The following CSMD1 variants were observed in gnomAD, a reference collection of about 807,000 sequenced individuals.
CSMD1 encodes CUB and sushi domain-containing protein 1.
CSMD1 carries 213 observed loss-of-function variants against 417.5 expected under a neutral mutation model. The observed-to-expected ratio is 0.51, with a 90% CI of 0.46 to 0.57. The LOEUF is 0.57. Ranked by LOEUF, CSMD1 falls within the 20% of genes least tolerant of loss-of-function variation. CSMD1 has a pLI of 0.00. For synonymous variants in CSMD1, 2,862 were observed against 1,736.8 expected, an observed-to-expected ratio of 1.65 and a Z score of -16.11; for missense variants, 6,923 against 4,529.7, an observed-to-expected ratio of 1.53 and a Z score of -15.17.
intron 10 of CSMD1, among the ~76,000 whole-genome samples, chr8:3,522,991 A>C (rs952428743): frequency 7.0e-6 from 1 of 143,470 alleles, no homozygotes; most frequent in African/African-American, 2.7e-5. Context: ...TACATACAAA[A>C]TGGAGATACA....
intron 7 of CSMD1, among the ~76,000 whole-genome samples, chr8:3,703,309 C>G (rs986665143): frequency 6.6e-6 from 1 of 152,160 alleles, no homozygotes; most frequent in Admixed American, 6.5e-5. Flanking sequence ...GAAAGCAAGG[C>G]TGTGTAAAGA....
Position 4,902,860 on chromosome 8 carries a change from GT to G in CSMD1, c.85+91471del, listed in dbSNP as rs1481872899. On this transcript the variant is annotated intron_variant, in intron 1 of 69. Coordinates refer to ENST00000635120, the MANE Select transcript of CSMD1 (RefSeq NM_033225.6). The stretch of plus-strand genomic sequence containing the variant: ...ACATATTTTTATTTTTATCATTTAT[GT>G]TTTTTCTATACATACATATGTACTG... 2.0e-5 allele frequency among the ~76,000 whole-genome samples: 3 copies of G among 151,588 alleles called. No individual in the cohort carries two copies. In the East Asian group the frequency reaches 5.8e-4, roughly 29 times the overall value.
intron 10 of CSMD1, among the ~76,000 whole-genome samples, chr8:3,550,308 C>G (rs1415006111): frequency 6.6e-6 from 1 of 152,134 alleles, no homozygotes; most frequent in African/African-American, 2.4e-5. Context: ...TAATTCCCAC[C>G]TTTTTGGCAT....
At chr8:3,277,664 G>T (rs56073436) in intron 26 of CSMD1, among the ~76,000 whole-genome samples, 4 of 152,102 alleles carry the variant, frequency 2.6e-5, no homozygotes, top group South Asian at 4.2e-4. Context: ...CAAGGACTGT[G>T]GTTGAGTTTC....
chr8:3,869,388 T>C (rs923241019), intron 5 of CSMD1, among the ~76,000 whole-genome samples: 1 of 152,338 alleles, frequency 6.6e-6, no homozygotes, highest in East Asian at 1.9e-4. Context: ...CTGATAGGTC[T>C]ATGAAATTGA....
At chr8:3,102,494 CTG>C (rs1815828076) in intron 46 of CSMD1, among the ~76,000 whole-genome samples, 1 of 152,148 alleles carries the variant, frequency 6.6e-6, no homozygotes, top group Non-Finnish European at 1.5e-5. Context: ...CTCCCTGTAA[CTG>C]TCTGTGACAA....
In CSMD1 at chr8:3,168,653, A is replaced by AC. The variant is rs1554448529; in HGVS notation, c.5726-6377_5726-6376insG. On this transcript the variant is annotated intron_variant, in intron 37 of 69. Transcript: ENST00000635120. Reference sequence around the variant, plus strand: ...TCATCACACACACACACACACACACAAATATATATATATATGGAAAACGCC... The same window carrying AC: ...TCATCACACACACACACACACACACACAATATATATATATATGGAAAACGCC... Among the ~76,000 whole-genome samples the AC allele has an allele frequency of 3.0e-4, 45 of 151,870 alleles. 1 individual carries two copies. Among genetic ancestry groups the AC allele is most frequent in the South Asian group, 2.9e-3 (14 of 4,798 alleles).
rs138743691 is a variant in CSMD1, at chr8:4,656,724, G to A, written c.86-19166C>T. ...GAGCAACAATGGGACACTCACTCCA[G>A]AACAGTGTTTGGGGACACTAAATGC... On this transcript the variant is annotated intron_variant, in intron 1 of 69. Transcript: ENST00000635120. Among the ~76,000 whole-genome samples the A allele has an allele frequency of 7.4e-4, 113 of 152,142 alleles. 1 individual carries two copies. In the East Asian group the frequency reaches 0.02, roughly 27 times the overall value.
chr8:4,971,436 T>C (rs1810231592), intron 1 of CSMD1, among the ~76,000 whole-genome samples: 1 of 152,076 alleles, frequency 6.6e-6, no homozygotes, highest in Non-Finnish European at 1.5e-5. Context: ...CAAGTTTCCA[T>C]AATTCTAACC....
At chr8:3,312,110 A>G (rs1805396093) in intron 23 of CSMD1, among the ~76,000 whole-genome samples, 1 of 152,192 alleles carries the variant, frequency 6.6e-6, no homozygotes, top group South Asian at 2.1e-4. Flanking sequence ...AAAAAAAACA[A>G]GCAAAGAAAA....
intron 1 of CSMD1, among the ~76,000 whole-genome samples, chr8:4,942,834 A>G (rs889162921): frequency 5.9e-5 from 9 of 152,244 alleles, no homozygotes; most frequent in Non-Finnish European, 1.2e-4. Context: ...GGTGTTAACT[A>G]ATTCACAGAT....
chr8:3,001,147 T>G (rs941776408), intron 52 of CSMD1, among the ~76,000 whole-genome samples: 1 of 152,010 alleles, frequency 6.6e-6, no homozygotes, highest in Non-Finnish European at 1.5e-5. Flanking sequence ...CTGCCATGCC[T>G]GAGTAATTTT....
intron 11 of CSMD1, among the ~76,000 whole-genome samples, chr8:3,470,304 G>A (rs73174855): frequency 0.059 from 8,946 of 152,148 alleles, 356 homozygotes; most frequent in Non-Finnish European, 0.089. Flanking sequence ...AATTTATAGT[G>A]TATAAACACA....
intron 49 of CSMD1, among the ~76,000 whole-genome samples, chr8:3,079,593 T>C (rs1312062910): frequency 2.0e-5 from 3 of 152,238 alleles, no homozygotes; most frequent in African/African-American, 7.2e-5. Flanking sequence ...TCTCAGTTAA[T>C]TCATTTATGC....
At chr8:4,711,533 G>T (rs997421562) in intron 1 of CSMD1, among the ~76,000 whole-genome samples, 3 of 151,716 alleles carry the variant, frequency 2.0e-5, no homozygotes, top group African/African-American at 7.3e-5. Flanking sequence ...GAAAAAAAAA[G>T]TGCTATGGAA....
At position 3,118,546 on chromosome 8, in the gene CSMD1, T is replaced by G. The variant is rs781468363; in HGVS notation, c.6283A>C (p.Asn2095His). The part of the protein sequence containing the change: ...QNCPDPPPFQ[N>H]GYMINSDYSV... ...TAATCCGAGTTGATCATGTACCCAT[T>G]CTGAAATGGGGGTGGATCTGGACAG... The change falls in exon 42 of 70, where the codon AAT (asparagine) becomes CAT (histidine). Residue 2095 changes from asparagine to histidine, a missense_variant. Asn to His is a moderately conservative substitution (Grantham distance 68). Coordinates refer to ENST00000635120, the MANE Select transcript of CSMD1 (RefSeq NM_033225.6). 4.2e-5 allele frequency: 68 copies of G among 1,613,844 alleles called. No homozygotes were observed. Among genetic ancestry groups the G allele is most frequent in the Middle Eastern group, 3.3e-4 (2 of 6,084 alleles).
In CSMD1 at chr8:4,565,292, G is replaced by C. The variant is rs546886438; in HGVS notation, c.302+72050C>G. 5.4e-4 allele frequency among the ~76,000 whole-genome samples: 82 copies of C among 152,224 alleles called. 1 individual carries two copies. Among genetic ancestry groups the C allele is most frequent in the Non-Finnish European group, 1.1e-3 (75 of 68,044 alleles). ...GAATATTGAGTGAACAAGTGTAACT[G>C]TAAATTTCTAAATCAGTCTTAGGCA... On this transcript the variant is annotated intron_variant, in intron 2 of 69. Transcript: ENST00000635120.
At chr8:4,737,163 G>C (rs1810297510) in intron 1 of CSMD1, among the ~76,000 whole-genome samples, 1 of 151,898 alleles carries the variant, frequency 6.6e-6, no homozygotes, top group Admixed American at 6.6e-5. Context: ...CACAAAAAAA[G>C]AATGAGATCA....
intron 2 of CSMD1, among the ~76,000 whole-genome samples, chr8:4,445,898 G>C (rs1259079568): frequency 1.3e-5 from 2 of 152,308 alleles, no homozygotes; most frequent in African/African-American, 2.4e-5. Context: ...AGAGAGCACG[G>C]ATGCAGGGAC....
Sources: gnomAD v4.1 joint callset for allele counts (sites outside exome capture counted in the v4.1 genomes callset) on GRCh38, gnomAD v4.1.1 for gene constraint, MANE v1.5 for transcripts, NCBI Gene and HGNC (gene_info 2026-07-23, HGNC 2026-07-21) for gene names.